Variants in ZBTB4 observed in about 807,000 individuals in gnomAD.
ZBTB4 encodes zinc finger and BTB domain containing 4.
Under a neutral mutation model 59.8 loss-of-function variants are expected in ZBTB4, and 14 were observed. The ratio of observed to expected loss-of-function variants is 0.23; its 90% CI spans 0.15 to 0.37. The LOEUF (loss-of-function observed/expected upper bound fraction) is 0.37. Ranked by LOEUF, ZBTB4 falls within the 10% of genes least tolerant of loss-of-function variation. ZBTB4 has a pLI of 1.00. For missense variants in ZBTB4, 1,198 were observed against 1,380.8 expected (o/e 0.87, Z 2.10); for synonymous variants, 587 against 575.2 (o/e 1.02, Z -0.29).
Position 7,466,399 on chromosome 17 carries a change from C to A in ZBTB4, c.403G>T (p.Ala135Ser). 6.2e-7 allele frequency: 1 copy of A among 1,613,924 alleles called. No individual in the cohort carries two copies. Among genetic ancestry groups the A allele is most frequent in the Non-Finnish European group, 8.5e-7 (1 of 1,179,976 alleles). The change falls in exon 3 of 4, where the codon GCG (alanine) becomes TCG (serine). Residue 135 changes from alanine (A) to serine (S), a missense_variant. Ala to Ser is a moderately conservative substitution (Grantham distance 99). Coordinates refer to ENST00000380599, the MANE Select transcript of ZBTB4 (RefSeq NM_001128833.2). This position sits in a 1 kb window ranked among gnomAD's most constrained non-coding sequence, Gnocchi z 9.1. ...ATGAAGTTGAGGACATCAGAAAACG[C>A]AGCTGCTGGGACTCCTGGCAACTCC... is the stretch of plus-strand genomic sequence containing the variant. ...VLELPGVPAAAFSDVLNFIYS... is the reference protein window; with the variant it reads ...VLELPGVPAASFSDVLNFIYS...
rs748206473 is a variant in ZBTB4, at chr17:7,462,539, T to C, written c.2443A>G (p.Lys815Glu). The C allele has an allele frequency of 6.2e-7, 1 of 1,613,900 alleles. No individual in the cohort carries two copies. The highest frequency in any genetic ancestry group is 8.5e-7 in the Non-Finnish European group (1 of 1,179,988). ...GSAGTRPGDV[K>E]EEAPQEMQVS... ...TGCATCTCTTGGGGGGCTTCCTCCTTGACATCCCCGGGCCTGGTGCCAGCG... is the reference window on the plus strand; with the variant it reads ...TGCATCTCTTGGGGGGCTTCCTCCTCGACATCCCCGGGCCTGGTGCCAGCG... The change falls in exon 4 of 4, where the codon AAG becomes GAG. Residue 815 changes from lysine (K) to glutamate (E), a missense_variant. Physicochemically the swap from Lys to Glu is moderately conservative, Grantham distance 56. Transcript: ENST00000380599. This position sits in a 1 kb window ranked among gnomAD's most constrained non-coding sequence, Gnocchi z 7.5.
intron 1 of ZBTB4, among the ~76,000 whole-genome samples, chr17:7,471,189 A>ATTT (rs969611840): frequency 3.3e-5 from 5 of 151,276 alleles, no homozygotes; most frequent in Admixed American, 6.6e-5. Flanking sequence ...TATGAAAAAA[A>ATTT]TTTTTTTTTT....
intron 1 of ZBTB4, among the ~76,000 whole-genome samples, chr17:7,473,151 C>T (rs1318816102): frequency 1.4e-5 from 2 of 140,510 alleles, no homozygotes; most frequent in African/African-American, 5.4e-5. Context: ...CTCGCTCTGT[C>T]GCCCAGGCTG....
chr17:7,473,952 G>A (rs2070234313), intron 1 of ZBTB4, among the ~76,000 whole-genome samples: 1 of 152,052 alleles, frequency 6.6e-6, no homozygotes, highest in Non-Finnish European at 1.5e-5. Context: ...TTGCTCTGTT[G>A]CCCAGGCTGG....
At chr17:7,483,228 C>T, upstream of ZBTB4, 1 of 835,524 alleles carries the variant, frequency 1.2e-6, no homozygotes, top group South Asian at 1.8e-5. Context: ...GGAATCAGGG[C>T]ATAACTAAGG....
Position 7,466,988 on chromosome 17 carries a change from C to A in ZBTB4, c.-9-178G>T, listed in dbSNP as rs776003863. Among the ~76,000 whole-genome samples the A allele has an allele frequency of 6.6e-5, 10 of 152,152 alleles. No individual in the cohort carries two copies. Among genetic ancestry groups the A allele is most frequent in the Non-Finnish European group, 1.3e-4 (9 of 68,020 alleles). ...TTAGCCACCCAAGTCTGGCCAGCAT[C>A]CAAGACCAGTATGTCTAACTCACTT... On this transcript the variant is annotated intron_variant, in intron 2 of 3. Transcript: ENST00000380599. This position sits in a 1 kb window ranked among gnomAD's most constrained non-coding sequence, Gnocchi z 9.1.
intron 3 of ZBTB4, among the ~76,000 whole-genome samples, chr17:7,465,049 G>A (rs1248052604): frequency 5.3e-5 from 8 of 151,198 alleles, no homozygotes; most frequent in East Asian, 1.9e-4. Flanking sequence ...CCAGCTACTC[G>A]GGAGGCTGAG....
At position 7,462,020 on chromosome 17, in the gene ZBTB4, T is replaced by TTGGGGGAGGTGGTGTTGG. The variant is rs1327686851; in HGVS notation, c.2944_2961dup (p.Pro982_Pro987dup). 1.1e-5 allele frequency: 17 copies of TTGGGGGAGGTGGTGTTGG among 1,601,984 alleles called. No individual in the cohort carries two copies. Among genetic ancestry groups the TTGGGGGAGGTGGTGTTGG allele is most frequent in the African/African-American group, 8.1e-5 (6 of 74,454 alleles). ...TTAGGGGGAATTGGTGGAGGAAGAG[T>TTGGGGGAGGTGGTGTTGG]TGGGGGAGGTGGTGTTGGTGGGGCA... On this transcript the variant is annotated inframe_insertion, in exon 4 of 4. Coordinates refer to ENST00000380599, the MANE Select transcript of ZBTB4 (RefSeq NM_001128833.2). The surrounding 1 kb of genome is among the most constrained non-coding windows in gnomAD (Gnocchi z 7.5).
rs776299951 is a variant in ZBTB4, at chr17:7,463,320, C to T, written c.1662G>A (p.Thr554=). The T allele has an allele frequency of 5.2e-5, 83 of 1,608,694 alleles. No homozygotes were observed. The highest frequency in any genetic ancestry group is 5.6e-5 in the Non-Finnish European group (66 of 1,177,916). The change falls in exon 4 of 4, where the codon ACG becomes ACA. Residue 554 remains threonine, a synonymous_variant. Coordinates refer to ENST00000380599, the MANE Select transcript of ZBTB4 (RefSeq NM_001128833.2). ...TAAGPAMATT[T]EEAKGRNPRA... is the part of the protein sequence containing the mutation. ...GTGGATTCCGGCCCTTGGCCTCCTC[C>T]GTGGTGGTGGCCATGGCTGGCCCTG...
Position 7,463,837 on chromosome 17 carries a change from G to C in ZBTB4, c.1145C>G (p.Thr382Ser), listed in dbSNP as rs747397369. ...ETFVTYYNLK[T>S]HQRAFHGISP... Reference sequence around the variant, plus strand: ...AATGCCGTGGAAGGCTCGCTGGTGGGTCTTCAGGTTATAGTAAGTGACAAA... The same window carrying C: ...AATGCCGTGGAAGGCTCGCTGGTGGCTCTTCAGGTTATAGTAAGTGACAAA... The change falls in exon 4 of 4, where the codon ACC becomes AGC. Residue 382 changes from threonine (T) to serine (S), a missense_variant. Coordinates refer to ENST00000380599, the MANE Select transcript of ZBTB4 (RefSeq NM_001128833.2). 3.7e-6 allele frequency: 6 copies of C among 1,614,116 alleles called. 1 individual carries two copies. The Admixed American group carries it at 1.0e-4, about 27-fold the overall frequency.
chr17:7,466,909 A>G lies in ZBTB4; in HGVS notation c.-9-99T>C. On this transcript the variant is annotated intron_variant, in intron 2 of 3. Transcript: ENST00000380599. This position sits in a 1 kb window ranked among gnomAD's most constrained non-coding sequence, Gnocchi z 9.1. Reference sequence around the variant, plus strand: ...GAGAGAGGATCAGGAGCTGCTGGTCAGAAACTAGTGGAAGGCTGAATCACT... The same window carrying G: ...GAGAGAGGATCAGGAGCTGCTGGTCGGAAACTAGTGGAAGGCTGAATCACT... 1 of 1,433,366 alleles carries G rather than the reference A, an allele frequency of 7.0e-7. No individual in the cohort carries two copies. The highest frequency in any genetic ancestry group is 9.1e-7 in the Non-Finnish European group (1 of 1,096,534). 88.8% of individuals were successfully genotyped at this position (1,433,366 alleles called of 1,614,324 possible). A position where few individuals can be genotyped will look rare whatever the true frequency, so the allele number is the denominator to read the frequency against.
intron 1 of ZBTB4, among the ~76,000 whole-genome samples, chr17:7,471,061 C>T (rs1485880595): frequency 6.6e-6 from 1 of 152,192 alleles, no homozygotes; most frequent in Non-Finnish European, 1.5e-5. Context: ...CGTGTGCTGA[C>T]TACCACAGTA....
chr17:7,474,996 A>G (rs2070249820), intron 1 of ZBTB4, among the ~76,000 whole-genome samples: 1 of 116,658 alleles, frequency 8.6e-6, no homozygotes, highest in Admixed American at 9.4e-5. Context: ...TGGGCGACAG[A>G]GTGAGACTCT....
At position 7,465,889 on chromosome 17, in the gene ZBTB4, C is replaced by T. The variant is rs761184760; in HGVS notation, c.913G>A (p.Gly305Ser). 6.8e-6 allele frequency: 11 copies of T among 1,613,446 alleles called. No individual in the cohort carries two copies. Among genetic ancestry groups the T allele is most frequent in the African/African-American group, 1.3e-5 (1 of 74,924 alleles). The change falls in exon 3 of 4, where the codon GGC becomes AGC. Residue 305 changes from glycine to serine, a missense_variant. By Grantham distance (56) the Gly-to-Ser change is moderately conservative. Coordinates refer to ENST00000380599, the MANE Select transcript of ZBTB4 (RefSeq NM_001128833.2). ...GPEHVVKVVGGHVLYVCAACE... is the reference protein window; with the variant it reads ...GPEHVVKVVGSHVLYVCAACE... ...GCCGCGCACACATACAGCACGTGGC[C>T]GCCCACCACCTTCACCACGTGCTCG...
intron 1 of ZBTB4, among the ~76,000 whole-genome samples, chr17:7,478,142 C>T (rs2150866670): frequency 6.6e-6 from 1 of 152,294 alleles, no homozygotes; most frequent in African/African-American, 2.4e-5. Context: ...ACCTCCCTCC[C>T]CACATGTGTT....
At chr17:7,471,541 T>C (rs1352014116) in intron 1 of ZBTB4, among the ~76,000 whole-genome samples, 1 of 152,058 alleles carries the variant, frequency 6.6e-6, no homozygotes, top group Non-Finnish European at 1.5e-5. Flanking sequence ...AGAAGGTAGG[T>C]AGTGATGGGG....
chr17:7,480,448 G>C (rs977849294), upstream of ZBTB4, among the ~76,000 whole-genome samples: 2 of 152,184 alleles, frequency 1.3e-5, no homozygotes, highest in Admixed American at 6.5e-5. Flanking sequence ...GGCTGGGCGC[G>C]GTGGCTCACG....
chr17:7,465,013 G>T (rs551218007), intron 3 of ZBTB4, among the ~76,000 whole-genome samples: 1 of 151,028 alleles, frequency 6.6e-6, no homozygotes, highest in African/African-American at 2.4e-5. Flanking sequence ...AAAATTAGCC[G>T]GGCGTGATGG....
chr17:7,474,884 C>T (rs986120049), intron 1 of ZBTB4, among the ~76,000 whole-genome samples: 3 of 151,580 alleles, frequency 2.0e-5, no homozygotes, highest in Non-Finnish European at 2.9e-5. Flanking sequence ...TGGTGGTGCA[C>T]GCTTGTAACC....
Sources: allele counts gnomAD v4.1 joint callset (sites outside exome capture counted in the v4.1 genomes callset), GRCh38; gene constraint gnomAD v4.1.1; non-coding constraint Gnocchi (gnomAD v3.1); transcripts MANE v1.5; gene names NCBI Gene and HGNC (gene_info 2026-07-23, HGNC 2026-07-21).